Variants in NFIA observed in about 807,000 individuals in gnomAD.
NFIA encodes nuclear factor I A, also known as nuclear factor 1 A-type.
A neutral mutation model predicts 62.8 loss-of-function variants in NFIA; 8 were observed. The observed-to-expected ratio is 0.13, with a 90% CI of 0.07 to 0.23. The LOEUF is 0.23. Ranked by LOEUF, NFIA falls within the 10% of genes least tolerant of loss-of-function variation. NFIA has a pLI of 1.00. For missense variants in NFIA, 410 were observed against 642.1 expected (o/e 0.64, Z 3.91); for synonymous variants, 235 against 238.1 (o/e 0.99, Z 0.12).
Position 61,455,417 on chromosome 1 carries a change from A to G in NFIA, c.*97A>G, listed in dbSNP as rs1321228655. ...CTCAACCCAGCGCAGTTACAACTTCACTATCAGCGGAAGGGGAGAAAAACC... is the reference window on the plus strand; with the variant it reads ...CTCAACCCAGCGCAGTTACAACTTCGCTATCAGCGGAAGGGGAGAAAAACC... On this transcript the variant is annotated 3_prime_UTR_variant, in exon 11 of 11. Transcript: ENST00000403491. The G allele has an allele frequency of 3.1e-6, 5 of 1,596,040 alleles. No homozygotes were observed. Among genetic ancestry groups the G allele is most frequent in the African/African-American group, 2.7e-5 (2 of 74,328 alleles).
At chr1:61,244,089 T>C (rs1036779506) in intron 2 of NFIA, among the ~76,000 whole-genome samples, 1 of 152,230 alleles carries the variant, frequency 6.6e-6, no homozygotes, top group Non-Finnish European at 1.5e-5. Flanking sequence ...TACCCAAGTA[T>C]GTATTGAAAT....
chr1:61,232,573 T>C (rs941746608), intron 2 of NFIA, among the ~76,000 whole-genome samples: 9 of 152,182 alleles, frequency 5.9e-5, no homozygotes, highest in Admixed American at 2.0e-4. Flanking sequence ...TTTTAGAAAT[T>C]TCCAGAGTTG....
chr1:61,361,668 A>C (rs1204861890), intron 6 of NFIA, among the ~76,000 whole-genome samples: 1 of 152,088 alleles, frequency 6.6e-6, no homozygotes, highest in Non-Finnish European at 1.5e-5. Context: ...GGCAATTCCT[A>C]TTCCTATCTG....
intron 2 of NFIA, among the ~76,000 whole-genome samples, chr1:61,155,000 G>A (rs2100526995): frequency 6.6e-6 from 1 of 152,222 alleles, no homozygotes; most frequent in Admixed American, 6.5e-5. Flanking sequence ...TTCTGTCTTG[G>A]TTACTTGTTA....
chr1:61,389,482 G>A (rs771343231), intron 7 of NFIA, among the ~76,000 whole-genome samples: 4 of 152,156 alleles, frequency 2.6e-5, no homozygotes, highest in Non-Finnish European at 4.4e-5. Flanking sequence ...AAATATGCTG[G>A]TTGACAGTTA....
At chr1:61,276,279 T>G (rs1362547918) in intron 2 of NFIA, among the ~76,000 whole-genome samples, 1 of 152,242 alleles carries the variant, frequency 6.6e-6, no homozygotes, top group Non-Finnish European at 1.5e-5. Flanking sequence ...AATTAGCATT[T>G]CTAGACCTAA....
intron 4 of NFIA, among the ~76,000 whole-genome samples, chr1:61,351,549 C>T (rs1337347844): frequency 2.0e-5 from 3 of 152,172 alleles, no homozygotes; most frequent in Non-Finnish European, 4.4e-5. Flanking sequence ...ATAATTTACA[C>T]CACTAATTTT....
rs1443679643 is a variant in NFIA at position 61,082,782 on chromosome 1, C to A, written c.-10C>A. 1.3e-6 allele frequency: 2 copies of A among 1,552,974 alleles called. No homozygotes were observed. Among genetic ancestry groups the A allele is most frequent in the South Asian group, 2.4e-5 (2 of 84,160 alleles). Reference sequence around the variant, plus strand: ...CCAGACGCACACGCATACCCCAGCGCCCGGCAGTTATGTATTCTCCGCTCT... The same window carrying A: ...CCAGACGCACACGCATACCCCAGCGACCGGCAGTTATGTATTCTCCGCTCT... On this transcript the variant is annotated 5_prime_UTR_variant, in exon 1 of 11. Coordinates refer to ENST00000403491, the MANE Select transcript of NFIA (RefSeq NM_001134673.4).
chr1:61,229,492 T>A (rs1654537652), intron 2 of NFIA, among the ~76,000 whole-genome samples: 3 of 152,142 alleles, frequency 2.0e-5, no homozygotes, highest in Admixed American at 2.0e-4. Context: ...ATTTCTTGTA[T>A]TTGATTTTGT....
At chr1:61,284,246 T>C (rs1454380018) in intron 3 of NFIA, among the ~76,000 whole-genome samples, 11 of 152,250 alleles carry the variant, frequency 7.2e-5, no homozygotes. Flanking sequence ...AATTAAATTC[T>C]GACTGATGAA....
intron 10 of NFIA, among the ~76,000 whole-genome samples, chr1:61,428,810 G>GT (rs1666981121): frequency 6.6e-6 from 1 of 152,118 alleles, no homozygotes; most frequent in Non-Finnish European, 1.5e-5. Flanking sequence ...GCAAACTTGT[G>GT]TTTTTCTATA....
rs191507330 is a variant in NFIA, at chr1:61,245,870, A to G, written c.560-31650A>G. On this transcript the variant is annotated intron_variant, in intron 2 of 10. Coordinates refer to ENST00000403491, the MANE Select transcript of NFIA (RefSeq NM_001134673.4). ...TACTTAGAGCTCACGGCAAGAGTCCAAGACAGAAATTCTTTTGGATGATCT... is the reference window on the plus strand; with the variant it reads ...TACTTAGAGCTCACGGCAAGAGTCCGAGACAGAAATTCTTTTGGATGATCT... Among the ~76,000 whole-genome samples, 6 of 152,322 alleles carry G rather than the reference A, an allele frequency of 3.9e-5. No homozygotes were observed. The East Asian group carries it at 9.6e-4, about 24-fold the overall frequency.
At chr1:61,386,589 A>C (rs1194703876) in intron 7 of NFIA, among the ~76,000 whole-genome samples, 1 of 152,194 alleles carries the variant, frequency 6.6e-6, no homozygotes, top group Non-Finnish European at 1.5e-5. Flanking sequence ...AATGGAGATG[A>C]GATTTTACAG....
At chr1:61,381,885 C>T (rs988333781) in intron 6 of NFIA, among the ~76,000 whole-genome samples, 22 of 152,144 alleles carry the variant, frequency 1.4e-4, no homozygotes, top group African/African-American at 4.8e-4. Context: ...TTTAGATACA[C>T]GCAAAACTAG....
chr1:61,204,647 G>C (rs1487169247), intron 2 of NFIA, among the ~76,000 whole-genome samples: 1 of 152,044 alleles, frequency 6.6e-6, no homozygotes, highest in Admixed American at 6.6e-5. Flanking sequence ...TATTATGTCT[G>C]CCTTAGTCCA....
intron 2 of NFIA, among the ~76,000 whole-genome samples, chr1:61,182,974 A>G (rs959662204): frequency 3.3e-5 from 5 of 152,206 alleles, no homozygotes; most frequent in Non-Finnish European, 7.3e-5. Flanking sequence ...AGTTTTCCAA[A>G]AAGATTTTTT....
At chr1:61,397,251 G>A (rs1396813029) in intron 7 of NFIA, among the ~76,000 whole-genome samples, 4 of 152,138 alleles carry the variant, frequency 2.6e-5, no homozygotes, top group Admixed American at 2.6e-4. Context: ...TCTTTACTTA[G>A]ATATCTATGG....
chr1:61,452,293 C>T (rs1353111434), intron 10 of NFIA, among the ~76,000 whole-genome samples: 1 of 151,476 alleles, frequency 6.6e-6, no homozygotes, highest in East Asian at 1.9e-4. Context: ...GAACTATCTG[C>T]CATCTCTGCA....
At chr1:61,304,673 T>C (rs1161443111) in intron 3 of NFIA, among the ~76,000 whole-genome samples, 4 of 152,112 alleles carry the variant, frequency 2.6e-5, no homozygotes, top group African/African-American at 7.2e-5. Flanking sequence ...TCTGATTTTT[T>C]TTTTTGTAGG....
Sources: allele counts gnomAD v4.1 joint callset (sites outside exome capture counted in the v4.1 genomes callset), GRCh38; gene constraint gnomAD v4.1.1; transcripts MANE v1.5; gene names NCBI Gene and HGNC (gene_info 2026-07-23, HGNC 2026-07-21).